The following PHKA2 variants were observed in gnomAD, a reference collection of about 807,000 sequenced individuals.
PHKA2 encodes phosphorylase kinase regulatory subunit alpha 2.
A neutral mutation model predicts 102.0 loss-of-function variants in PHKA2; 31 were observed. That is an observed-to-expected ratio of 0.30 (90% CI 0.23 to 0.41). The LOEUF (loss-of-function observed/expected upper bound fraction) is 0.41, where lower values mean the gene tolerates loss of function less well. PHKA2 is among the 10% of genes least tolerant of loss of function. The pLI is 1.00. For synonymous variants in PHKA2, 455 were observed against 416.2 expected (o/e 1.09, Z -1.13); for missense variants, 858 against 1,023.1 (o/e 0.84, Z 2.20).
chrX:18,970,778 A>AC lies in PHKA2; in HGVS notation c.78+13076dup, dbSNP rs1350478806. Among the ~76,000 whole-genome samples the AC allele has an allele frequency of 4.5e-5, 5 of 112,179 alleles. No homozygotes were observed. In the Admixed American group the frequency reaches 4.7e-4, roughly 11 times the overall value. On this transcript the variant is annotated intron_variant, in intron 1 of 32. Coordinates refer to ENST00000379942, the MANE Select transcript of PHKA2 (RefSeq NM_000292.3). ...CTGTAGTTTACATCTTGCAGCATAGACCACTACCTAATCACCAATCCAATT... is the reference window on the plus strand; with the variant it reads ...CTGTAGTTTACATCTTGCAGCATAGACCCACTACCTAATCACCAATCCAATT...
chrX:18,910,839 T>C, intron 20 of PHKA2, 33 bp downstream of exon 20: 2 of 915,804 alleles, frequency 2.2e-6, no homozygotes. Context: ...TAGAACACCA[T>C]ACTTTTAAAA....
intron 19 of PHKA2, among the ~76,000 whole-genome samples, chrX:18,911,172 A>ATT (rs201671901): frequency 4.1e-5 from 4 of 96,743 alleles, no homozygotes; most frequent in Admixed American, 1.1e-4. Context: ...CGCCCAGCTA[A>ATT]TTTTTTTTTT....
In PHKA2 at chrX:18,984,097, A is replaced by G. The variant is rs906906468; in HGVS notation, c.-165T>C. Reference sequence around the variant, plus strand: ...CGAGACTTTTCTAAACGCTAGCCCCAAAGTCCGGTTGGAAAGCAAGCCAAC... The same window carrying G: ...CGAGACTTTTCTAAACGCTAGCCCCGAAGTCCGGTTGGAAAGCAAGCCAAC... On this transcript the variant is annotated 5_prime_UTR_variant, in exon 1 of 33. Transcript: ENST00000379942. The G allele has an allele frequency of 1.5e-5, 7 of 480,266 alleles. No homozygotes were observed. Among genetic ancestry groups the G allele is most frequent in the Non-Finnish European group, 2.6e-5 (7 of 270,468 alleles). The allele number at this position is 480,266 out of a possible 1,213,427, so 39.6% of individuals were successfully genotyped here.
chrX:18,910,845 T>C, intron 20 of PHKA2, 27 bp downstream of exon 20: 1 of 979,489 alleles, frequency 1.0e-6, no homozygotes, highest in Middle Eastern at 2.6e-4. Flanking sequence ...ACCATACTTT[T>C]AAAAAAAGCT....
intron 8 of PHKA2, 111 bp downstream of exon 8, chrX:18,941,418 G>T: frequency 1.5e-6 from 1 of 682,007 alleles, no homozygotes; most frequent in Non-Finnish European, 2.4e-6. Flanking sequence ...AACGCTGTAT[G>T]CATCTGCTTA....
chrX:18,928,700 G>C (rs1295918059), intron 13 of PHKA2, among the ~76,000 whole-genome samples: 1 of 112,674 alleles, frequency 8.9e-6, no homozygotes, highest in Non-Finnish European at 1.9e-5. Flanking sequence ...GCCCCAGTCA[G>C]GGAGCTCAAG....
intron 1 of PHKA2, among the ~76,000 whole-genome samples, chrX:18,959,409 C>T (rs1390628223): frequency 9.0e-6 from 1 of 111,461 alleles, no homozygotes; most frequent in East Asian, 2.8e-4. Context: ...CAAGTGAGTT[C>T]GATGTAACCA....
chrX:18,969,995 TTTGGGAGGCTGAG>T (rs770951276), intron 1 of PHKA2, among the ~76,000 whole-genome samples: 2 of 112,159 alleles, frequency 1.8e-5, no homozygotes, highest in African/African-American at 6.5e-5. Context: ...ACCCCAGCAC[TTTGGGAGGCTGAG>T]GTGGGAGGAT....
At chrX:18,930,402 C>A (rs141349567) in intron 12 of PHKA2, among the ~76,000 whole-genome samples, 7 of 110,718 alleles carry the variant, frequency 6.3e-5, no homozygotes, top group Non-Finnish European at 1.1e-4. Context: ...ACACGAACCC[C>A]GAGAGAGAGG....
chrX:18,893,907 G>A (rs1354449263), intron 32 of PHKA2, among the ~76,000 whole-genome samples: 2 of 112,219 alleles, frequency 1.8e-5, no homozygotes, highest in Non-Finnish European at 3.8e-5. Context: ...CTATAATGAG[G>A]ACTACTCTGT....
intron 1 of PHKA2, among the ~76,000 whole-genome samples, chrX:18,968,972 C>T (rs774698941): frequency 1.6e-4 from 18 of 111,275 alleles, no homozygotes; most frequent in Admixed American, 1.9e-4. Flanking sequence ...AAAAAATTAG[C>T]GGGGCGTGGT....
chrX:18,978,714 A>C (rs1412836037), intron 1 of PHKA2, among the ~76,000 whole-genome samples: 5 of 111,453 alleles, frequency 4.5e-5, no homozygotes, highest in Non-Finnish European at 9.4e-5. Context: ...CTCTGTCTCA[A>C]AAAAAAATTA....
chrX:18,931,879 G>A lies in PHKA2; in HGVS notation c.1138-131C>T, dbSNP rs910323892. 1.5e-4 allele frequency: 81 copies of A among 553,202 alleles called. 1 individual carries two copies. In the African/African-American group the frequency reaches 1.6e-3, roughly 11 times the overall value. 45.6% of individuals were successfully genotyped at this position (553,202 alleles called of 1,213,427 possible). On this transcript the variant is annotated intron_variant, in intron 11 of 32. Coordinates refer to ENST00000379942, the MANE Select transcript of PHKA2 (RefSeq NM_000292.3). ...CAGGCCAATTCTGTGCAGGTGCCAG[G>A]AGGCTGGGGAGCAAGCCCCTTCCTC...
intron 1 of PHKA2, 37 bp downstream of exon 1, chrX:18,983,818 T>C (rs1476508783): frequency 4.6e-6 from 5 of 1,087,018 alleles, no homozygotes; most frequent in South Asian, 1.8e-5. Context: ...CATGAGAGGG[T>C]AGTTCCACGC....
chrX:18,953,213 C>T (rs2048726115), intron 2 of PHKA2, among the ~76,000 whole-genome samples: 1 of 112,009 alleles, frequency 8.9e-6, no homozygotes, highest in African/African-American at 3.2e-5. Context: ...TCAATGCTAC[C>T]ACTCAAAACA....
At chrX:18,916,702 CTT>C (rs897874576) in intron 19 of PHKA2, among the ~76,000 whole-genome samples, 2 of 111,381 alleles carry the variant, frequency 1.8e-5, no homozygotes, top group African/African-American at 6.5e-5. Context: ...GTCTGCTCCC[CTT>C]TTGTCTTCCG....
At chrX:18,946,670 CTGT>C (rs1261298714) in intron 5 of PHKA2, among the ~76,000 whole-genome samples, 16 of 110,291 alleles carry the variant, frequency 1.5e-4, no homozygotes, top group African/African-American at 5.3e-4. Context: ...CACTCAGAGC[CTGT>C]TCCTGCCTCT....
At chrX:18,939,755 A>C (rs1395153034) in intron 9 of PHKA2, among the ~76,000 whole-genome samples, 1 of 111,990 alleles carries the variant, frequency 8.9e-6, no homozygotes, top group Non-Finnish European at 1.9e-5. Context: ...GGCCTCCCAA[A>C]GTGCTGGGAT....
At chrX:18,961,507 A>C (rs908837746) in intron 1 of PHKA2, among the ~76,000 whole-genome samples, 1 of 108,723 alleles carries the variant, frequency 9.2e-6, no homozygotes, top group African/African-American at 3.4e-5. Flanking sequence ...AAAATGCAAA[A>C]ATTAGCCAGG....
Sources: gnomAD v4.1 joint callset for allele counts (sites outside exome capture counted in the v4.1 genomes callset) on GRCh38, gnomAD v4.1.1 for gene constraint, MANE v1.5 for transcripts, NCBI Gene and HGNC (gene_info 2026-07-23, HGNC 2026-07-21) for gene names.